PDZD8: variants seen among roughly 807,000 people sequenced by gnomAD.
The protein encoded by PDZD8 is PDZ domain containing 8, also known as PDZ domain-containing protein 8.
A neutral mutation model predicts 85.8 loss-of-function variants in PDZD8; 14 were observed. The ratio of observed to expected loss-of-function variants is 0.16; its 90% CI spans 0.11 to 0.26. PDZD8 has a LOEUF of 0.26. Among genes scored for constraint, PDZD8 ranks in the 10% least tolerant of loss-of-function variants. The pLI is 1.00. For missense variants in PDZD8, 1,197 were observed against 1,424.3 expected (o/e 0.84, Z 2.57); for synonymous variants, 592 against 568.6 (o/e 1.04, Z -0.59).
chr10:117,333,625 G>T lies in PDZD8; in HGVS notation c.995+7355C>A, dbSNP rs567728205. On this transcript the variant is annotated intron_variant, in intron 2 of 4. Transcript: ENST00000334464. The stretch of plus-strand genomic sequence containing the variant: ...GGGATTCATAGACAAATGCAAACTG[G>T]AAATATTTTGAAGTTATAACTACTA... 1.9e-4 allele frequency among the ~76,000 whole-genome samples: 29 copies of T among 152,228 alleles called. No individual in the cohort carries two copies. In the South Asian group the frequency reaches 5.8e-3, roughly 30 times the overall value.
intron 1 of PDZD8, among the ~76,000 whole-genome samples, chr10:117,344,608 C>G (rs1157039293): frequency 6.6e-6 from 1 of 152,146 alleles, no homozygotes; most frequent in African/African-American, 2.4e-5. Flanking sequence ...AGGATGGTCT[C>G]TATCTCCTGA....
At position 117,374,738 on chromosome 10, in the gene PDZD8, G is replaced by C; in HGVS notation, c.490C>G (p.Arg164Gly). The C allele has an allele frequency of 6.2e-7, 1 of 1,611,272 alleles. No individual in the cohort carries two copies. Among genetic ancestry groups the C allele is most frequent in the Non-Finnish European group, 8.5e-7 (1 of 1,179,344 alleles). ...VPFIKTIRLVRPVVPSATGEP... is the reference protein window; with the variant it reads ...VPFIKTIRLVGPVVPSATGEP... ...CCGGTGGCCGAGGGCACGACTGGCC[G>C]CACGAGCCGGATGGTCTTGATGAAG... Residue 164 changes from arginine (R) to glycine (G), a missense_variant, in exon 1 of 5, where the codon CGG (arginine) becomes GGG (glycine). Coordinates refer to ENST00000334464, the MANE Select transcript of PDZD8 (RefSeq NM_173791.5). This position sits in a 1 kb window ranked among gnomAD's most constrained non-coding sequence, Gnocchi z 7.8.
intron 1 of PDZD8, among the ~76,000 whole-genome samples, chr10:117,364,331 T>C (rs1845050722): frequency 6.6e-6 from 1 of 152,100 alleles, no homozygotes; most frequent in African/African-American, 2.4e-5. Context: ...CGTTTAACCA[T>C]AAAAAATGTT....
intron 4 of PDZD8, among the ~76,000 whole-genome samples, chr10:117,287,220 TC>T (rs763918144): frequency 2.0e-4 from 30 of 152,196 alleles, no homozygotes; most frequent in East Asian, 5.8e-4. Context: ...TTAAAATTTT[TC>T]TTTTTCTTAG....
chr10:117,341,229 C>A, intron 1 of PDZD8, 127 bp from the exon 2 acceptor site: 2 of 930,368 alleles, frequency 2.1e-6, no homozygotes, highest in South Asian at 1.8e-5. Context: ...CTCTACAAAA[C>A]CAAAGCTTAC....
At chr10:117,321,873 C>T (rs181854968) in intron 2 of PDZD8, among the ~76,000 whole-genome samples, 1 of 152,002 alleles carries the variant, frequency 6.6e-6, no homozygotes, top group Admixed American at 6.5e-5. Context: ...TAACAGAAAA[C>T]ATTAAAAGGG....
At chr10:117,357,950 G>A (rs543434203) in intron 1 of PDZD8, among the ~76,000 whole-genome samples, 17 of 152,064 alleles carry the variant, frequency 1.1e-4, no homozygotes, top group Non-Finnish European at 1.6e-4. Context: ...GATAAAATAC[G>A]TGGGATTTGC....
rs1334623556 is a variant in PDZD8, at chr10:117,277,408, G to A, written c.*5860C>T. On this transcript the variant is annotated 3_prime_UTR_variant, in exon 5 of 5. Coordinates refer to ENST00000334464, the MANE Select transcript of PDZD8 (RefSeq NM_173791.5). ...CAAAGGTTATTATTTCCTTTCCATGGTTATGGTCGATTGCCAACAGCCTTA... is the reference window on the plus strand; with the variant it reads ...CAAAGGTTATTATTTCCTTTCCATGATTATGGTCGATTGCCAACAGCCTTA... The A allele has an allele frequency of 2.0e-6, 1 of 496,150 alleles. No homozygotes were observed. Among genetic ancestry groups the A allele is most frequent in the Non-Finnish European group, 3.5e-6 (1 of 285,732 alleles). The allele number at this position is 496,150 out of a possible 1,614,324, so 30.7% of individuals were successfully genotyped here. A position where few individuals can be genotyped will look rare whatever the true frequency, so the allele number is the denominator to read the frequency against.
chr10:117,324,561 T>C (rs964634179), intron 2 of PDZD8, among the ~76,000 whole-genome samples: 2 of 152,132 alleles, frequency 1.3e-5, no homozygotes, highest in Non-Finnish European at 2.9e-5. Context: ...CAGTCCAAAA[T>C]TGCTTATTCG....
At chr10:117,353,616 G>A (rs562762017) in intron 1 of PDZD8, among the ~76,000 whole-genome samples, 1 of 151,992 alleles carries the variant, frequency 6.6e-6, no homozygotes, top group South Asian at 2.1e-4. Flanking sequence ...GTTTGATAGT[G>A]GGATTATACT....
intron 1 of PDZD8, among the ~76,000 whole-genome samples, chr10:117,341,913 T>C (rs1434063617): frequency 6.6e-6 from 1 of 152,210 alleles, no homozygotes; most frequent in Non-Finnish European, 1.5e-5. Context: ...ATGTTTACTA[T>C]TTGCCAGGCA....
rs2133752100 is a variant in PDZD8 at position 117,278,714 on chromosome 10, T to G, written c.*4554A>C. On this transcript the variant is annotated 3_prime_UTR_variant, in exon 5 of 5. Coordinates refer to ENST00000334464, the MANE Select transcript of PDZD8 (RefSeq NM_173791.5). ...AGACTCCTCAATCTTGTGACTTTCT[T>G]ATTCTCTAGGAAAGTAACACTTCGT... The G allele has an allele frequency of 6.6e-6, 1 of 152,362 alleles. No homozygotes were observed. The highest frequency in any genetic ancestry group is 2.1e-4 in the South Asian group (1 of 4,828). 9.4% of individuals were successfully genotyped at this position (152,362 alleles called of 1,614,324 possible). A position where few individuals can be genotyped will look rare whatever the true frequency, so the allele number is the denominator to read the frequency against.
intron 1 of PDZD8, among the ~76,000 whole-genome samples, chr10:117,363,605 A>G (rs1373563444): frequency 1.3e-5 from 2 of 152,198 alleles, no homozygotes; most frequent in Non-Finnish European, 2.9e-5. Flanking sequence ...TGACCCAAGT[A>G]TACATAATAG....
At chr10:117,318,809 A>G in intron 3 of PDZD8, 63 bp downstream of exon 3, 2 of 1,183,272 alleles carry the variant, frequency 1.7e-6, no homozygotes, top group South Asian at 1.3e-5. Context: ...CAGAAATAGT[A>G]ATAAATGCAT....
At chr10:117,313,923 C>T (rs1844080880) in intron 3 of PDZD8, among the ~76,000 whole-genome samples, 1 of 152,058 alleles carries the variant, frequency 6.6e-6, no homozygotes, top group African/African-American at 2.4e-5. Context: ...TATTCAAATC[C>T]CATCTCCCCA....
At chr10:117,292,473 T>G (rs932778483) in intron 3 of PDZD8, among the ~76,000 whole-genome samples, 12 of 152,154 alleles carry the variant, frequency 7.9e-5, no homozygotes, top group African/African-American at 2.7e-4. Flanking sequence ...AGAATGTAAG[T>G]TTTTCTAATT....
chr10:117,283,209 T>G lies in PDZD8; in HGVS notation c.*59A>C. On this transcript the variant is annotated 3_prime_UTR_variant, in exon 5 of 5. Transcript: ENST00000334464. ...ACGAGGATTTAAACATGGTTGTATC[T>G]GTGGTACTTTAGATGCAACTTTACC... is the stretch of plus-strand genomic sequence containing the variant. 4.0e-6 allele frequency: 6 copies of G among 1,483,364 alleles called. No homozygotes were observed. The highest frequency in any genetic ancestry group is 5.5e-6 in the Non-Finnish European group (6 of 1,100,370). The allele number at this position is 1,483,364 out of a possible 1,614,324, so 91.9% of individuals were successfully genotyped here. A position where few individuals can be genotyped will look rare whatever the true frequency, so the allele number is the denominator to read the frequency against.
At chr10:117,320,232 G>T (rs189381265) in intron 2 of PDZD8, among the ~76,000 whole-genome samples, 6 of 152,120 alleles carry the variant, frequency 3.9e-5, no homozygotes, top group Admixed American at 2.6e-4. Flanking sequence ...GAAAAAATGA[G>T]AATTTACATT....
intron 1 of PDZD8, among the ~76,000 whole-genome samples, chr10:117,342,391 G>GCAC (rs1289212266): frequency 4.6e-5 from 2 of 43,186 alleles, no homozygotes; most frequent in Non-Finnish European, 5.2e-5. Context: ...CACACAAACA[G>GCAC]ATACACACAC....
Sources: allele counts gnomAD v4.1 joint callset (sites outside exome capture counted in the v4.1 genomes callset), GRCh38; gene constraint gnomAD v4.1.1; non-coding constraint Gnocchi (gnomAD v3.1); transcripts MANE v1.5; gene names NCBI Gene and HGNC (gene_info 2026-07-23, HGNC 2026-07-21).